Variants in KAZN observed in about 807,000 individuals in gnomAD.
The protein encoded by KAZN is kazrin, periplakin interacting protein, also known as kazrin.
A neutral mutation model predicts 87.4 loss-of-function variants in KAZN; 40 were observed. The observed-to-expected ratio is 0.46, with a 90% confidence interval of 0.36 to 0.60. The LOEUF is 0.60. Among genes scored for constraint, KAZN ranks in the 20% least tolerant of loss-of-function variants. The pLI is 0.00. For synonymous variants in KAZN, 466 were observed against 458.3 expected (o/e 1.02, Z -0.22); for missense variants, 898 against 1,073.9 (o/e 0.84, Z 2.29).
intron 1 of KAZN, among the ~76,000 whole-genome samples, chr1:14,863,195 G>C (rs990548137): frequency 1.3e-5 from 2 of 152,130 alleles, no homozygotes; most frequent in African/African-American, 4.8e-5. Context: ...TGCTGTTCTC[G>C]CGTTTGCCAT....
At chr1:14,913,726 G>A (rs141274719) in intron 1 of KAZN, among the ~76,000 whole-genome samples, 2,232 of 152,364 alleles carry the variant, frequency 0.015, 27 homozygotes, top group Non-Finnish European at 0.022. Context: ...GGGGTGGTGG[G>A]GGCCCTGTGT....
At chr1:15,038,218 C>T (rs1374815833) in intron 3 of KAZN, among the ~76,000 whole-genome samples, 4 of 151,882 alleles carry the variant, frequency 2.6e-5, no homozygotes, top group African/African-American at 7.3e-5. Context: ...TGTGCCACTG[C>T]ACTCCAGCCT....
At chr1:14,438,442 A>G (rs558463989) in intron 2 of KAZN, among the ~76,000 whole-genome samples, 2 of 151,622 alleles carry the variant, frequency 1.3e-5, no homozygotes, top group South Asian at 2.1e-4. Flanking sequence ...GGGACAGGGA[A>G]CGGGGCCGGC....
intron 2 of KAZN, among the ~76,000 whole-genome samples, chr1:14,362,557 A>G (rs1324788021): frequency 1.3e-5 from 2 of 152,234 alleles, no homozygotes; most frequent in Non-Finnish European, 2.9e-5. Context: ...TAGGAATCAC[A>G]GGGCTGCTTA....
chr1:14,422,004 A>C (rs545671795), intron 2 of KAZN, among the ~76,000 whole-genome samples: 10 of 152,304 alleles, frequency 6.6e-5, no homozygotes, highest in Admixed American at 6.5e-4. Flanking sequence ...TTGCAAAGTG[A>C]ATTTTGTCCA....
chr1:14,218,359 A>G (rs1647013137), intron 2 of KAZN, among the ~76,000 whole-genome samples: 1 of 152,162 alleles, frequency 6.6e-6, no homozygotes, highest in South Asian at 2.1e-4. Flanking sequence ...GCAACCCAAT[A>G]GCAATGACAT....
At chr1:14,613,053 A>G (rs1026294643) in intron 1 of KAZN, among the ~76,000 whole-genome samples, 2 of 152,114 alleles carry the variant, frequency 1.3e-5, no homozygotes, top group African/African-American at 4.8e-5. Flanking sequence ...TGAACCTTCT[A>G]TGTTGCTTAG....
At chr1:14,995,997 A>G (rs986679935) in intron 2 of KAZN, among the ~76,000 whole-genome samples, 1 of 151,986 alleles carries the variant, frequency 6.6e-6, no homozygotes, top group Non-Finnish European at 1.5e-5. Context: ...AGTCAGCTGG[A>G]CCCAAGGGCG....
chr1:14,449,553 T>C (rs1236274393), intron 2 of KAZN, among the ~76,000 whole-genome samples: 2 of 152,184 alleles, frequency 1.3e-5, no homozygotes, highest in African/African-American at 4.8e-5. Context: ...TGCAAAATAG[T>C]GTGTGCTTAT....
rs1213545471 is a variant in KAZN, at chr1:14,598,785, C to G, written c.-213C>G. 3 of 1,351,594 alleles carry G rather than the reference C, an allele frequency of 2.2e-6. No homozygotes were observed. The highest frequency in any genetic ancestry group is 1.5e-5 in the African/African-American group (1 of 64,660). The allele number at this position is 1,351,594 out of a possible 1,614,324, so 83.7% of individuals were successfully genotyped here. On this transcript the variant is annotated 5_prime_UTR_variant, in exon 1 of 15. Transcript: ENST00000376030. The surrounding 1 kb of genome is among the most constrained non-coding windows in gnomAD (Gnocchi z 4.2). ...TTTTTTCTCCTCCGCCTCCTCCCCC[C>G]GCCGCCTCGCCACCGCCGCGGCTAG...
chr1:15,103,452 G>A lies in KAZN; in HGVS notation c.1873G>A (p.Asp625Asn), dbSNP rs1456765655. The part of the protein sequence containing the change: ...QRVLKWVRDI[D>N]LKEYADNLTN... ...GGTGCTCAAGTGGGTTCGAGACATC[G>A]ACCTGAAGGTGAGGGTGATAGCGGA... is the stretch of plus-strand genomic sequence containing the variant. Residue 625 changes from aspartate to asparagine, a missense_variant, in exon 12 of 15, where the codon GAC (aspartate) becomes AAC (asparagine). Physicochemically the swap from Asp to Asn is conservative, Grantham distance 23. Coordinates refer to ENST00000376030, the MANE Select transcript of KAZN (RefSeq NM_201628.3). 5 of 1,548,102 alleles carry A rather than the reference G, an allele frequency of 3.2e-6. No homozygotes were observed. Among genetic ancestry groups the A allele is most frequent in the East Asian group, 2.4e-5 (1 of 40,918 alleles).
chr1:14,026,096 A>T (rs1376769661), intron 1 of KAZN, among the ~76,000 whole-genome samples: 4 of 152,192 alleles, frequency 2.6e-5, no homozygotes, highest in Admixed American at 1.3e-4. Flanking sequence ...ATGAAGGAAA[A>T]GGGCATTTTA....
At chr1:14,640,655 T>C (rs1366976764) in intron 1 of KAZN, among the ~76,000 whole-genome samples, 3 of 152,180 alleles carry the variant, frequency 2.0e-5, no homozygotes, top group Non-Finnish European at 4.4e-5. Context: ...ACCCTTTCCT[T>C]GCAAAGCACA....
Position 14,960,686 on chromosome 1 carries a change from C to T in KAZN, c.229C>T (p.Leu77Phe). 2 of 1,563,172 alleles carry T rather than the reference C, an allele frequency of 1.3e-6. No homozygotes were observed. Among genetic ancestry groups the T allele is most frequent in the Non-Finnish European group, 1.7e-6 (2 of 1,152,646 alleles). Residue 77 changes from leucine (L) to phenylalanine (F), a missense_variant and splice_region_variant, in exon 2 of 15, where the codon CTC becomes TTC. By Grantham distance (22) the Leu-to-Phe change is conservative. Coordinates refer to ENST00000376030, the MANE Select transcript of KAZN (RefSeq NM_201628.3). ...MENPQLGAQV[L>F]LREEVSRLQE... ...AACCCTGTGCCCTTCTCCCCTAGTG[C>T]TCCTGCGGGAAGAAGTGTCGCGGCT...
chr1:14,909,236 C>G (rs184148036), intron 1 of KAZN, among the ~76,000 whole-genome samples: 7 of 152,276 alleles, frequency 4.6e-5, no homozygotes, highest in Admixed American at 4.6e-4. Context: ...AGTTATTATT[C>G]TTACTGATCC....
intron 1 of KAZN, among the ~76,000 whole-genome samples, chr1:14,791,376 C>A (rs1645669305): frequency 6.6e-6 from 1 of 152,206 alleles, no homozygotes; most frequent in African/African-American, 2.4e-5. Context: ...CCTGAAATGT[C>A]ACTGGAGCCT....
At chr1:15,045,793 C>A (rs1673417893) in intron 4 of KAZN, among the ~76,000 whole-genome samples, 1 of 152,252 alleles carries the variant, frequency 6.6e-6, no homozygotes. Context: ...AGAGGAACTA[C>A]CACACGCTTA....
At chr1:14,732,302 G>A (rs56747651) in intron 1 of KAZN, among the ~76,000 whole-genome samples, 20,797 of 152,100 alleles carry the variant, frequency 0.14, 1,476 homozygotes, top group Non-Finnish European at 0.15. Context: ...GCAGTCCCCA[G>A]TAGGCACACA....
Position 13,981,089 on chromosome 1 carries a change from T to TTATATATATA in KAZN, c.91+87345_91+87354dup, listed in dbSNP as rs1205017791. Among the ~76,000 whole-genome samples the TTATATATATA allele has an allele frequency of 2.2e-3, 139 of 62,992 alleles. 4 individuals carry two copies. The highest frequency in any genetic ancestry group is 0.029 in the Middle Eastern group (2 of 70). The allele number at this position is 62,992 out of a possible 152,430, so 41.3% of individuals were successfully genotyped here. A position where few individuals can be genotyped will look rare whatever the true frequency, so the allele number is the denominator to read the frequency against. ...TTGGAGAGGTATAAAAAATTACTCT[T>TTATATATATA]TATATATATATATATATATATGTAT... is the stretch of plus-strand genomic sequence containing the variant. On this transcript the variant is annotated intron_variant, in intron 1 of 16. Transcript: ENST00000636203.
Sources: gnomAD v4.1 joint callset for allele counts (sites outside exome capture counted in the v4.1 genomes callset) on GRCh38, gnomAD v4.1.1 for gene constraint, Gnocchi (gnomAD v3.1) non-coding constraint, MANE v1.5 for transcripts, NCBI Gene and HGNC (gene_info 2026-07-23, HGNC 2026-07-21) for gene names.